The following SHCBP1L variants were observed in gnomAD, a reference collection of about 807,000 sequenced individuals.
The protein encoded by SHCBP1L is SHC binding and spindle associated 1 like, also known as testicular spindle-associated protein SHCBP1L.
In SHCBP1L, 67 loss-of-function variants were observed where a neutral mutation model predicts 62.5. The observed-to-expected ratio is 1.07, with a 90% confidence interval of 0.88 to 1.31. SHCBP1L has a LOEUF of 1.31. Among genes scored for constraint, SHCBP1L ranks in the 40% most tolerant of loss-of-function variants. The pLI, the probability that SHCBP1L is intolerant of heterozygous loss-of-function variation, is 0.00. For missense variants in SHCBP1L, 823 were observed against 809.8 expected, an observed-to-expected ratio of 1.02 and a Z score of -0.20; for synonymous variants, 284 against 289.4, an observed-to-expected ratio of 0.98 and a Z score of 0.19.
At chr1:182,916,102 G>C (rs942674161) in intron 6 of SHCBP1L, among the ~76,000 whole-genome samples, 1 of 152,030 alleles carries the variant, frequency 6.6e-6, no homozygotes, top group African/African-American at 2.4e-5. Flanking sequence ...CACTGCGCCC[G>C]GCCTGACAAC....
chr1:182,924,782 A>AAGAAAGAAAGAAAGAAAGAAAGAT (rs1650652672), intron 6 of SHCBP1L, among the ~76,000 whole-genome samples: 1 of 101,314 alleles, frequency 9.9e-6, no homozygotes, highest in Non-Finnish European at 1.8e-5. Context: ...GAAAGAAAGA[A>AAGAAAGAAAGAAAGAAAGAAAGAT]AGAAAGAGAG....
At chr1:182,905,776 T>C in intron 6 of SHCBP1L, 127 bp from the exon 7 acceptor site, 1 of 799,794 alleles carries the variant, frequency 1.3e-6, no homozygotes, top group Admixed American at 3.0e-5. Flanking sequence ...CTAGCATTTA[T>C]TAAATGCTCA....
At chr1:182,942,248 G>A in intron 2 of SHCBP1L, 3 of 1,356,990 alleles carry the variant, frequency 2.2e-6, no homozygotes, top group Non-Finnish European at 3.2e-6. Flanking sequence ...TTTCCCTTTT[G>A]TTTGCACTTT....
intron 5 of SHCBP1L, among the ~76,000 whole-genome samples, chr1:182,930,364 T>C (rs1035105697): frequency 2.6e-5 from 4 of 151,576 alleles, no homozygotes; most frequent in Non-Finnish European, 5.9e-5. Context: ...TTTAAGTGTC[T>C]CCAACAGAAA....
intron 6 of SHCBP1L, among the ~76,000 whole-genome samples, chr1:182,911,879 T>C (rs775151302): frequency 1.3e-5 from 2 of 152,202 alleles, no homozygotes; most frequent in Non-Finnish European, 2.9e-5. Flanking sequence ...TTATGAAGCA[T>C]ATAAATATAC....
chr1:182,911,226 C>T (rs1650176495), intron 6 of SHCBP1L, among the ~76,000 whole-genome samples: 1 of 152,102 alleles, frequency 6.6e-6, no homozygotes, highest in South Asian at 2.1e-4. Context: ...TTAAGGAAAT[C>T]TCTGTTAGAT....
At position 182,899,972 on chromosome 1, in the gene SHCBP1L, A is replaced by T; in HGVS notation, c.*11T>A. ...TGTGAAATATAAAACTTTAACATCAATTCAGACGCTTTAACTTGTGACTAT... is the reference window on the plus strand; with the variant it reads ...TGTGAAATATAAAACTTTAACATCATTTCAGACGCTTTAACTTGTGACTAT... On this transcript the variant is annotated 3_prime_UTR_variant, in exon 10 of 10. Coordinates refer to ENST00000367547, the MANE Select transcript of SHCBP1L (RefSeq NM_030933.4). 1.9e-6 allele frequency: 3 copies of T among 1,587,814 alleles called. No individual in the cohort carries two copies. Among genetic ancestry groups the T allele is most frequent in the Non-Finnish European group, 1.7e-6 (2 of 1,168,352 alleles).
Position 182,952,865 on chromosome 1 carries a change from T to TCCG in SHCBP1L, c.266_268dup (p.Ala89dup), listed in dbSNP as rs747708113. 154 of 1,601,470 alleles carry TCCG rather than the reference T, an allele frequency of 9.6e-5. No individual in the cohort carries two copies. Among genetic ancestry groups the TCCG allele is most frequent in the African/African-American group, 2.7e-4 (20 of 74,468 alleles). On this transcript the variant is annotated inframe_insertion, in exon 1 of 10. Coordinates refer to ENST00000367547, the MANE Select transcript of SHCBP1L (RefSeq NM_030933.4). ...CTCAGGCACTGGCAGCAGGGGCTCC[T>TCCG]CCGCCGCCGCCGCCGCCGCCTCTCC...
intron 5 of SHCBP1L, among the ~76,000 whole-genome samples, chr1:182,936,130 GTTTTTTTT>G (rs71127329): frequency 7.8e-5 from 5 of 63,986 alleles, no homozygotes; most frequent in Admixed American, 2.2e-4. Flanking sequence ...TTTGTTTTTT[GTTTTTTTT>G]TTTTTTTTTT....
chr1:182,904,721 A>T (rs2101919178), intron 7 of SHCBP1L, among the ~76,000 whole-genome samples: 1 of 152,116 alleles, frequency 6.6e-6, no homozygotes, highest in East Asian at 1.9e-4. Context: ...ACATATTTTT[A>T]ACAAATAATA....
chr1:182,928,436 A>C (rs1208529564), intron 6 of SHCBP1L, among the ~76,000 whole-genome samples: 1 of 152,176 alleles, frequency 6.6e-6, no homozygotes, highest in Non-Finnish European at 1.5e-5. Context: ...GGAAAGTGTC[A>C]ATAGGGAAAA....
At position 182,900,223 on chromosome 1, in the gene SHCBP1L, T is replaced by G; in HGVS notation, c.1722A>C (p.Ala574=). 6.4e-7 allele frequency: 1 copy of G among 1,566,496 alleles called. No individual in the cohort carries two copies. Among genetic ancestry groups the G allele is most frequent in the African/African-American group, 1.4e-5 (1 of 73,012 alleles). The change falls in exon 10 of 10, where the codon GCA becomes GCC. Residue 574 remains alanine, a synonymous_variant. Transcript: ENST00000367547. ...LGGVNMKVLP[A]PKLKMTNNHI... is the part of the protein sequence containing the mutation. The stretch of plus-strand genomic sequence containing the variant: ...GATTATTAGTCATCTTCAATTTGGG[T>G]GCTGGAAGAACCTATTAAATTATTT...
chr1:182,907,629 G>A lies in SHCBP1L; in HGVS notation c.1183-1980C>T, dbSNP rs528562599. 2.0e-5 allele frequency among the ~76,000 whole-genome samples: 3 copies of A among 151,660 alleles called. No individual in the cohort carries two copies. The South Asian group carries it at 6.2e-4, about 32-fold the overall frequency. On this transcript the variant is annotated intron_variant, in intron 6 of 9. Coordinates refer to ENST00000367547, the MANE Select transcript of SHCBP1L (RefSeq NM_030933.4). ...AGATGGAGTCTTGCTCTGTCGCCCA[G>A]GCTGGAGTGCAGTGGCACAGTCTTG...
chr1:182,900,502 G>A (rs1649797560), intron 9 of SHCBP1L, among the ~76,000 whole-genome samples: 1 of 151,910 alleles, frequency 6.6e-6, no homozygotes, highest in African/African-American at 2.4e-5. Flanking sequence ...ACACAGTCTT[G>A]GCTCACTGCA....
In SHCBP1L at chr1:182,939,315, TG is replaced by T. The variant is rs778136266; in HGVS notation, c.936del (p.Asn312LysfsTer32). On this transcript the variant is annotated frameshift_variant, in exon 5 of 10. Transcript: ENST00000367547. LOFTEE classifies it high-confidence loss of function. ...RFKKTLEKYK[N>X]KRVELIEYQS... ...TGATACTCAATGAGCTCGACACGTT[TG>T]TTTTTATATTTCTCCAAAGTTTTTT... is the stretch of plus-strand genomic sequence containing the variant. 6.2e-7 allele frequency: 1 copy of T among 1,614,044 alleles called. No individual in the cohort carries two copies. The highest frequency in any genetic ancestry group is 8.5e-7 in the Non-Finnish European group (1 of 1,179,960).
chr1:182,940,444 A>G lies in SHCBP1L; in HGVS notation c.655T>C (p.Leu219=). 1 of 1,614,018 alleles carries G rather than the reference A, an allele frequency of 6.2e-7. No individual in the cohort carries two copies. Among genetic ancestry groups the G allele is most frequent in the Non-Finnish European group, 8.5e-7 (1 of 1,179,962 alleles). The change falls in exon 3 of 10, where the codon TTG becomes CTG. Residue 219 remains leucine, a synonymous_variant. Transcript: ENST00000367547. ...SSNIANIPRD[L]VDEILEELEH... is the part of the protein sequence containing the mutation. ...AGTTCCTCCAAAATCTCATCAACCA[A>G]ATCTCTTGGAATATTTGCAATGTTG...
chr1:182,912,029 G>A (rs893717965), intron 6 of SHCBP1L, among the ~76,000 whole-genome samples: 4 of 152,240 alleles, frequency 2.6e-5, no homozygotes, highest in African/African-American at 9.6e-5. Flanking sequence ...AATGTTGGGT[G>A]CTTTAGGCCT....
In SHCBP1L at chr1:182,933,545, T is replaced by A. The variant is rs565107091; in HGVS notation, c.1077-3793A>T. Among the ~76,000 whole-genome samples, 8 of 152,240 alleles carry A rather than the reference T, an allele frequency of 5.3e-5. No homozygotes were observed. In the South Asian group the frequency reaches 1.5e-3, roughly 28 times the overall value. On this transcript the variant is annotated intron_variant, in intron 5 of 9. Transcript: ENST00000367547. ...CAAGTTTTTTTTAGAGTGTTTATCA[T>A]GAAAGGGTGTTAATTTGTCATATGA...
In SHCBP1L at chr1:182,931,248, CT is replaced by C. The variant is rs1160161518; in HGVS notation, c.1077-1497del. The stretch of plus-strand genomic sequence containing the variant: ...TGAGAAACAGGGAACCATTCATACA[CT>C]TTTTTTTTTTGCTATATACCAGTTA... On this transcript the variant is annotated intron_variant, in intron 5 of 9. Coordinates refer to ENST00000367547, the MANE Select transcript of SHCBP1L (RefSeq NM_030933.4). Among the ~76,000 whole-genome samples, 829 of 146,660 alleles carry C rather than the reference CT, an allele frequency of 5.7e-3. 6 individuals carry two copies. Among genetic ancestry groups the C allele is most frequent in the African/African-American group, 0.017 (697 of 40,686 alleles).
Sources: gnomAD v4.1 joint callset for allele counts (sites outside exome capture counted in the v4.1 genomes callset) on GRCh38, gnomAD v4.1.1 for gene constraint, MANE v1.5 for transcripts, NCBI Gene and HGNC (gene_info 2026-07-23, HGNC 2026-07-21) for gene names.